The following GFM2 variants were observed in gnomAD, a reference collection of about 807,000 sequenced individuals.
GFM2 encodes ribosome-releasing factor 2, mitochondrial.
Under a neutral mutation model 95.4 loss-of-function variants are expected in GFM2, and 72 were observed. The ratio of observed to expected loss-of-function variants is 0.76; its 90% confidence interval spans 0.62 to 0.92. The LOEUF is 0.92. Ranked by LOEUF, GFM2 falls within the 40% of genes least tolerant of loss-of-function variation. GFM2 has a pLI of 0.00. For synonymous variants in GFM2, 276 were observed against 317.5 expected (o/e 0.87, Z 1.39); for missense variants, 825 against 924.1 (o/e 0.89, Z 1.39).
intron 1 of GFM2, among the ~76,000 whole-genome samples, chr5:74,765,852 A>T (rs572694620): frequency 2.1e-4 from 32 of 152,116 alleles, no homozygotes; most frequent in African/African-American, 7.5e-4. Flanking sequence ...CAAAAATATT[A>T]GCTGGGTGTG....
intron 5 of GFM2, among the ~76,000 whole-genome samples, chr5:74,757,560 C>A (rs1465472257): frequency 6.6e-6 from 1 of 151,790 alleles, no homozygotes; most frequent in Non-Finnish European, 1.5e-5. Context: ...GAGGCCCTGT[C>A]TCTACCAAAA....
intron 17 of GFM2, among the ~76,000 whole-genome samples, chr5:74,729,937 C>T (rs2112228631): frequency 6.6e-6 from 1 of 152,200 alleles, no homozygotes; most frequent in Non-Finnish European, 1.5e-5. Context: ...GTAAAAATAA[C>T]ACATTGACTT....
In GFM2 at chr5:74,738,346, T is replaced by A. The variant is rs1561244596; in HGVS notation, c.1292A>T (p.Asn431Ile). The A allele has an allele frequency of 6.2e-7, 1 of 1,613,498 alleles. No individual in the cohort carries two copies. Among genetic ancestry groups the A allele is most frequent in the East Asian group, 2.2e-5 (1 of 44,864 alleles). ...TTTAAGCCCAACAGTCAAAGCAATG[T>A]TACCAGCAGTCAATGAAGGGATTTC... ...HVEIPSLTAG[N>I]IALTVGLKHT... The change falls in exon 14 of 21, where the codon AAC becomes ATC. Residue 431 changes from asparagine (N) to isoleucine (I), a missense_variant. Coordinates refer to ENST00000296805, the MANE Select transcript of GFM2 (RefSeq NM_032380.5).
chr5:74,731,459 A>C (rs1742557148), intron 16 of GFM2, among the ~76,000 whole-genome samples: 10 of 152,208 alleles, frequency 6.6e-5, no homozygotes, highest in Admixed American at 6.5e-4. Context: ...GGCTCGGGTG[A>C]GCTTCCCTGG....
Position 74,741,613 on chromosome 5 carries a change from TA to T in GFM2, c.850-5del. 4 of 1,532,316 alleles carry T rather than the reference TA, an allele frequency of 2.6e-6. No homozygotes were observed. The highest frequency in any genetic ancestry group is 3.6e-6 in the Non-Finnish European group (4 of 1,113,602). 94.9% of individuals were successfully genotyped at this position (1,532,316 alleles called of 1,614,324 possible). ...ATTCATCATCCAAATCTGCAACCTA[TA>T]AAGAAAGGTTTTAGAGTTCTATAAC... On this transcript the variant is annotated splice_polypyrimidine_tract_variant and splice_region_variant and intron_variant, in intron 10 of 20. Transcript: ENST00000296805.
rs1580030900 is a variant in GFM2 at position 74,763,768 on chromosome 5, TG to T, written c.-24-3del. 64 of 1,588,336 alleles carry T rather than the reference TG, an allele frequency of 4.0e-5. No individual in the cohort carries two copies. The East Asian group carries it at 1.4e-3, about 35-fold the overall frequency. On this transcript the variant is annotated splice_region_variant and splice_polypyrimidine_tract_variant and intron_variant, in intron 1 of 20. Transcript: ENST00000296805. ...CTTGATCCTCCAAACTGTTACTGTC[TG>T]AAAAAATAAATATACAAAATCAAAA...
At position 74,738,418 on chromosome 5, in the gene GFM2, C is replaced by T; in HGVS notation, c.1221-1G>A. 6.2e-7 allele frequency: 1 copy of T among 1,612,724 alleles called. No individual in the cohort carries two copies. The highest frequency in any genetic ancestry group is 1.7e-4 in the Middle Eastern group (1 of 6,058). ...CAAAAGCAGACGACTTATTCTCTCC[C>T]TGTAAAATCACAATTTTATGTTAGT... is the stretch of plus-strand genomic sequence containing the variant. On this transcript the variant is annotated splice_acceptor_variant, in intron 13 of 20. Coordinates refer to ENST00000296805, the MANE Select transcript of GFM2 (RefSeq NM_032380.5). LOFTEE classifies it high-confidence loss of function.
chr5:74,763,545 G>A (rs1744390885), intron 2 of GFM2, 135 bp downstream of exon 2: 1 of 490,964 alleles, frequency 2.0e-6, no homozygotes, highest in Non-Finnish European at 3.7e-6. Context: ...TTTCAAATTA[G>A]TTTAGCTTGA....
chr5:74,755,930 C>A (rs1005494611), intron 5 of GFM2, among the ~76,000 whole-genome samples: 15 of 152,060 alleles, frequency 9.9e-5, no homozygotes, highest in African/African-American at 3.4e-4. Context: ...AGACCAATAT[C>A]CCTAATGAAC....
At chr5:74,729,219 G>GT (rs1750301190) in intron 17 of GFM2, among the ~76,000 whole-genome samples, 1 of 152,174 alleles carries the variant, frequency 6.6e-6, no homozygotes, top group Non-Finnish European at 1.5e-5. Flanking sequence ...CTAAAGACCT[G>GT]TATCAGAAGC....
At chr5:74,738,069 C>T (rs1232400210) in intron 14 of GFM2, among the ~76,000 whole-genome samples, 3 of 152,012 alleles carry the variant, frequency 2.0e-5, no homozygotes, top group Admixed American at 6.6e-5. Context: ...TATCCATAAA[C>T]AGTATGTTAT....
intron 6 of GFM2, 25 bp from the exon 7 acceptor site, chr5:74,750,692 T>C (rs1012124025): frequency 2.6e-6 from 4 of 1,546,484 alleles, no homozygotes; most frequent in Non-Finnish European, 3.6e-6. Context: ...AGACGTATAA[T>C]GCCTTCTTTT....
intron 15 of GFM2, chr5:74,736,311 C>A: frequency 1.1e-6 from 1 of 937,616 alleles, no homozygotes; most frequent in Non-Finnish European, 1.3e-6. Flanking sequence ...TAATGAGAAG[C>A]CACTGAAAAA....
chr5:74,739,923 T>A (rs1429711379), intron 12 of GFM2, 66 bp downstream of exon 12: 56 of 1,155,622 alleles, frequency 4.8e-5, no homozygotes, highest in Non-Finnish European at 6.2e-5. Flanking sequence ...CTACTTTTCA[T>A]AAAAGTATTT....
chr5:74,725,993 C>A lies in GFM2; in HGVS notation c.1860G>T (p.Leu620Phe). The change falls in exon 18 of 21, where the codon TTG becomes TTT. Residue 620 changes from leucine (L) to phenylalanine (F), a missense_variant. By Grantham distance (22) the Leu-to-Phe change is conservative (BLOSUM62 0). Transcript: ENST00000296805. ...TTTCAATGGCCTCTTGGGAGACCTT[C>A]AAAAGGCCTTCATTGATACTTTCAG... The part of the protein sequence containing the change: ...EYAESINEGL[L>F]KVSQEAIENG... 1.9e-6 allele frequency: 3 copies of A among 1,611,770 alleles called. No individual in the cohort carries two copies. Among genetic ancestry groups the A allele is most frequent in the Non-Finnish European group, 2.5e-6 (3 of 1,179,664 alleles).
intron 3 of GFM2, among the ~76,000 whole-genome samples, chr5:74,759,974 T>G (rs865882717): frequency 1.3e-5 from 2 of 152,140 alleles, no homozygotes; most frequent in African/African-American, 2.4e-5. Context: ...TTAATACTTT[T>G]GAAAGGCCAA....
chr5:74,758,625 C>A (rs145277001), intron 5 of GFM2, among the ~76,000 whole-genome samples: 1 of 152,116 alleles, frequency 6.6e-6, no homozygotes, highest in Admixed American at 6.5e-5. Context: ...TCTGAGTAGA[C>A]GAGTGTCCAG....
intron 7 of GFM2, 24 bp from the exon 8 acceptor site, chr5:74,747,804 A>G (rs1353181244): frequency 7.4e-7 from 1 of 1,345,398 alleles, no homozygotes; most frequent in Admixed American, 1.8e-5. Flanking sequence ...GAGGAAAAAA[A>G]TACATACTGA....
Position 74,767,066 on chromosome 5 carries a change from A to G in GFM2, c.-153T>C. 7.2e-6 allele frequency: 3 copies of G among 414,472 alleles called. No individual in the cohort carries two copies. The South Asian group carries it at 1.0e-4, about 14-fold the overall frequency. 25.7% of individuals were successfully genotyped at this position (414,472 alleles called of 1,614,324 possible). A position where few individuals can be genotyped will look rare whatever the true frequency, so the allele number is the denominator to read the frequency against. On this transcript the variant is annotated 5_prime_UTR_variant, in exon 1 of 21. Coordinates refer to ENST00000296805, the MANE Select transcript of GFM2 (RefSeq NM_032380.5). ...AGCCTAGGCAAAAGGCAATGTATCTAAACGAAAAGAAAATAGGCTTTCTCC... is the reference window on the plus strand; with the variant it reads ...AGCCTAGGCAAAAGGCAATGTATCTGAACGAAAAGAAAATAGGCTTTCTCC...
Sources: allele counts gnomAD v4.1 joint callset (sites outside exome capture counted in the v4.1 genomes callset), GRCh38; gene constraint gnomAD v4.1.1; transcripts MANE v1.5; gene names NCBI Gene and HGNC (gene_info 2026-07-23, HGNC 2026-07-21).